The following ADAMTS3 variants were observed in gnomAD, a reference collection of about 807,000 sequenced individuals.
ADAMTS3 encodes ADAM metallopeptidase with thrombospondin type 1 motif 3.
Under a neutral mutation model 129.0 loss-of-function variants are expected in ADAMTS3, and 73 were observed. The observed-to-expected ratio is 0.57, with a 90% confidence interval of 0.47 to 0.69. ADAMTS3 has a LOEUF of 0.69. Ranked by LOEUF, ADAMTS3 falls within the 30% of genes least tolerant of loss-of-function variation. The probability of loss-of-function intolerance (pLI) is 0.00; values close to 1 mark genes in which losing one functional copy is unlikely to be tolerated. For missense variants in ADAMTS3, 1,457 were observed against 1,514.5 expected, an observed-to-expected ratio of 0.96 and a Z score of 0.63; for synonymous variants, 477 against 510.8, an observed-to-expected ratio of 0.93 and a Z score of 0.89.
At chr4:72,499,284 C>A (rs76109952) in intron 3 of ADAMTS3, among the ~76,000 whole-genome samples, 7,106 of 152,126 alleles carry the variant, frequency 0.047, 188 homozygotes, top group African/African-American at 0.063. Context: ...CAAAAGTAAG[C>A]GCAAGCTTTA....
chr4:72,385,205 G>T (rs559249215), intron 4 of ADAMTS3, among the ~76,000 whole-genome samples: 2 of 151,560 alleles, frequency 1.3e-5, no homozygotes, highest in African/African-American at 4.8e-5. Context: ...AGAAAAGGGG[G>T]TCAGTCAATG....
At chr4:72,491,230 T>C (rs1053482891) in intron 3 of ADAMTS3, among the ~76,000 whole-genome samples, 1 of 151,824 alleles carries the variant, frequency 6.6e-6, no homozygotes. Context: ...TTGTTCATTC[T>C]TTAGAGTTTC....
rs1009260730 is a variant in ADAMTS3, at chr4:72,468,761, A to T, written c.505-53790T>A. On this transcript the variant is annotated intron_variant, in intron 3 of 21. Coordinates refer to ENST00000286657, the MANE Select transcript of ADAMTS3 (RefSeq NM_014243.3). The stretch of plus-strand genomic sequence containing the variant: ...ACTGGCATGTATTATGAAAAAAAAA[A>T]CGAGAAGAAAACTTAGAATAGAATG... 4.0e-5 allele frequency among the ~76,000 whole-genome samples: 6 copies of T among 151,252 alleles called. No individual in the cohort carries two copies. In the South Asian group the frequency reaches 8.4e-4, roughly 21 times the overall value.
intron 10 of ADAMTS3, among the ~76,000 whole-genome samples, chr4:72,316,677 T>C (rs2109803674): frequency 6.7e-6 from 1 of 148,582 alleles, no homozygotes; most frequent in South Asian, 2.2e-4. Flanking sequence ...GTGACAACAG[T>C]GAGACACTAT....
At chr4:72,550,045 G>A (rs788904) in intron 2 of ADAMTS3, among the ~76,000 whole-genome samples, 403 of 4,276 alleles carry the variant, frequency 0.094, 61 homozygotes, top group Non-Finnish European at 0.16. Flanking sequence ...AAGAAGAAGA[G>A]GAAGAGGAAG....
At chr4:72,488,554 A>G (rs944509555) in intron 3 of ADAMTS3, among the ~76,000 whole-genome samples, 2 of 152,060 alleles carry the variant, frequency 1.3e-5, no homozygotes, top group African/African-American at 4.8e-5. Context: ...ACCTACAGCC[A>G]TATCTCAAAT....
chr4:72,509,255 A>G (rs995269547), intron 3 of ADAMTS3, among the ~76,000 whole-genome samples: 3 of 151,838 alleles, frequency 2.0e-5, no homozygotes, highest in African/African-American at 7.2e-5. Flanking sequence ...AATTAGTAGA[A>G]GAAAAAAAAA....
chr4:72,412,773 A>C (rs1722213327), intron 4 of ADAMTS3, among the ~76,000 whole-genome samples: 1 of 151,990 alleles, frequency 6.6e-6, no homozygotes, highest in Non-Finnish European at 1.5e-5. Flanking sequence ...CTGACCCATG[A>C]CCATTGAAAC....
intron 3 of ADAMTS3, among the ~76,000 whole-genome samples, chr4:72,529,395 T>C (rs1243028995): frequency 1.3e-5 from 2 of 151,810 alleles, no homozygotes; most frequent in African/African-American, 4.8e-5. Context: ...CAGAAATCTG[T>C]TTTAGCAAGG....
At chr4:72,531,770 G>C (rs1055131093) in intron 3 of ADAMTS3, among the ~76,000 whole-genome samples, 1 of 152,122 alleles carries the variant, frequency 6.6e-6, no homozygotes, top group East Asian at 1.9e-4. Context: ...TCAAAGGTCC[G>C]CATTATACCA....
At chr4:72,313,219 T>C (rs1018828699) in intron 12 of ADAMTS3, among the ~76,000 whole-genome samples, 4 of 152,184 alleles carry the variant, frequency 2.6e-5, no homozygotes, top group African/African-American at 9.7e-5. Context: ...AATGAATAGA[T>C]AACTTTCCCC....
chr4:72,486,293 A>C (rs1316983717), intron 3 of ADAMTS3, among the ~76,000 whole-genome samples: 1 of 152,178 alleles, frequency 6.6e-6, no homozygotes, highest in Admixed American at 6.6e-5. Flanking sequence ...GTACTCCAAC[A>C]CCCAAAATGT....
intron 3 of ADAMTS3, among the ~76,000 whole-genome samples, chr4:72,525,361 A>T (rs1720780509): frequency 6.6e-6 from 1 of 152,218 alleles, no homozygotes; most frequent in African/African-American, 2.4e-5. Context: ...TTAGAGGGAC[A>T]TTTGAAGCTA....
intron 4 of ADAMTS3, among the ~76,000 whole-genome samples, chr4:72,354,660 C>A (rs947321881): frequency 2.6e-5 from 4 of 151,966 alleles, no homozygotes; most frequent in African/African-American, 9.7e-5. Flanking sequence ...ATTGACATTC[C>A]AATGTCTTTT....
At chr4:72,532,498 C>T (rs1017991559) in intron 3 of ADAMTS3, among the ~76,000 whole-genome samples, 1 of 148,766 alleles carries the variant, frequency 6.7e-6, no homozygotes, top group Non-Finnish European at 1.5e-5. Context: ...TATGCACACA[C>T]ACACACACAC....
chr4:72,561,625 T>C (rs942578728), intron 2 of ADAMTS3, among the ~76,000 whole-genome samples: 2 of 152,350 alleles, frequency 1.3e-5, no homozygotes, highest in South Asian at 2.1e-4. Flanking sequence ...TTTGCATATC[T>C]AAATAAAAAT....
At chr4:72,552,302 T>G (rs1015617576) in intron 2 of ADAMTS3, among the ~76,000 whole-genome samples, 2 of 152,178 alleles carry the variant, frequency 1.3e-5, no homozygotes, top group African/African-American at 4.8e-5. Flanking sequence ...TACAACTTCA[T>G]AGGTTTGGTG....
chr4:72,461,810 GT>G lies in ADAMTS3; in HGVS notation c.505-46840del, dbSNP rs527495186. Among the ~76,000 whole-genome samples the G allele has an allele frequency of 1.6e-3, 243 of 152,028 alleles. 1 individual carries two copies. The highest frequency in any genetic ancestry group is 5.5e-3 in the African/African-American group (230 of 41,528). The stretch of plus-strand genomic sequence containing the variant: ...ACATGCAATTCAGTTTTCACTCACA[GT>G]TTTACTAGTAGTACTAATACACATT... On this transcript the variant is annotated intron_variant, in intron 3 of 21. Transcript: ENST00000286657.
intron 3 of ADAMTS3, among the ~76,000 whole-genome samples, chr4:72,471,007 T>C (rs2109993866): frequency 6.6e-6 from 1 of 152,170 alleles, no homozygotes; most frequent in East Asian, 1.9e-4. Flanking sequence ...TGCACAAATG[T>C]TTGAGGTGTG....
Sources: allele counts gnomAD v4.1 joint callset (sites outside exome capture counted in the v4.1 genomes callset), GRCh38; gene constraint gnomAD v4.1.1; transcripts MANE v1.5; gene names NCBI Gene and HGNC (gene_info 2026-07-23, HGNC 2026-07-21).